PATJ: variants seen among roughly 807,000 people sequenced by gnomAD.
PATJ encodes PATJ crumbs cell polarity complex component.
In PATJ, 190 loss-of-function variants were observed where a neutral mutation model predicts 224.9. The observed-to-expected ratio is 0.84, with a 90% CI of 0.75 to 0.95. PATJ has a LOEUF of 0.95. PATJ is among the 40% of genes least tolerant of loss of function. The pLI, the probability that PATJ is intolerant of heterozygous loss-of-function variation, is 0.00. For missense variants in PATJ, 2,121 were observed against 2,270.3 expected (o/e 0.93, Z 1.34); for synonymous variants, 769 against 820.3 (o/e 0.94, Z 1.07).
chr1:61,874,722 G>A (rs968129901), intron 20 of PATJ, among the ~76,000 whole-genome samples: 1 of 152,202 alleles, frequency 6.6e-6, no homozygotes, highest in African/African-American at 2.4e-5. Context: ...CAAGATGGGA[G>A]GAAAATGCAG....
intron 43 of PATJ, among the ~76,000 whole-genome samples, chr1:62,158,576 C>G (rs1669497024): frequency 6.7e-6 from 1 of 148,640 alleles, no homozygotes; most frequent in South Asian, 2.3e-4. Flanking sequence ...AAAAAATTAG[C>G]CAGGCGTGGT....
intron 39 of PATJ, among the ~76,000 whole-genome samples, chr1:62,123,474 T>C (rs1041011891): frequency 6.3e-5 from 8 of 126,686 alleles, no homozygotes; most frequent in African/African-American, 2.4e-4. Flanking sequence ...AGTTTCTTTT[T>C]TTTTTTTTTT....
At chr1:62,017,563 C>T (rs766765733) in intron 28 of PATJ, among the ~76,000 whole-genome samples, 19 of 151,478 alleles carry the variant, frequency 1.3e-4, no homozygotes, top group Non-Finnish European at 2.4e-4. Context: ...AACCTCTTCT[C>T]TACTAAAAAT....
intron 29 of PATJ, among the ~76,000 whole-genome samples, chr1:62,036,012 CTG>C (rs758662241): frequency 2.0e-5 from 3 of 151,874 alleles, no homozygotes; most frequent in Non-Finnish European, 4.4e-5. Context: ...GAAAGAAAGT[CTG>C]TGCAGCTGGA....
chr1:61,744,310 A>T (rs1007558342), intron 1 of PATJ, among the ~76,000 whole-genome samples: 21 of 134,514 alleles, frequency 1.6e-4, no homozygotes, highest in Non-Finnish European at 2.9e-4. Flanking sequence ...AAAAAAAGGA[A>T]AAAAGATTAT....
chr1:61,789,722 G>T (rs1649377885), intron 8 of PATJ, among the ~76,000 whole-genome samples: 1 of 152,094 alleles, frequency 6.6e-6, no homozygotes, highest in South Asian at 2.1e-4. Flanking sequence ...TGAGACAGGA[G>T]AATCACTTGA....
At chr1:62,065,053 C>G (rs985364476) in intron 31 of PATJ, among the ~76,000 whole-genome samples, 1 of 152,128 alleles carries the variant, frequency 6.6e-6, no homozygotes, top group Admixed American at 6.6e-5. Context: ...GCTCATTGTT[C>G]TTTATCTCTT....
chr1:62,043,911 A>G (rs1469708550), intron 30 of PATJ, among the ~76,000 whole-genome samples: 1 of 152,074 alleles, frequency 6.6e-6, no homozygotes, highest in Non-Finnish European at 1.5e-5. Flanking sequence ...ATTTTTTTGC[A>G]GAGACAGAAT....
chr1:61,914,764 T>TATATGAGAAGTGG (rs1449666832), intron 26 of PATJ, 100 bp downstream of exon 26: 2 of 637,554 alleles, frequency 3.1e-6, no homozygotes, highest in African/African-American at 3.7e-5. Flanking sequence ...TTGATGAGTG[T>TATATGAGAAGTGG]CAGTGTTGTA....
At chr1:62,104,716 C>A (rs1662674406) in intron 33 of PATJ, among the ~76,000 whole-genome samples, 1 of 151,780 alleles carries the variant, frequency 6.6e-6, no homozygotes, top group Admixed American at 6.6e-5. Flanking sequence ...TCTGTCTTGC[C>A]CAGGCTGGAG....
At chr1:61,801,017 G>A (rs1652375899) in intron 11 of PATJ, among the ~76,000 whole-genome samples, 2 of 152,136 alleles carry the variant, frequency 1.3e-5, no homozygotes, top group African/African-American at 4.8e-5. Context: ...CTTTGCTATT[G>A]TGGATAATGC....
At position 62,162,981 on chromosome 1, in the gene PATJ, GAGTC is replaced by G. The variant is rs956614405; in HGVS notation, c.*1931_*1934del. ...AAAAAACCATGAAGGATGAGTACTAGAGTCAGTAATAGAAGTAGTTCAGCATTAT... is the reference window on the plus strand; with the variant it reads ...AAAAAACCATGAAGGATGAGTACTAGAGTAATAGAAGTAGTTCAGCATTAT... On this transcript the variant is annotated 3_prime_UTR_variant, in exon 44 of 44. Coordinates refer to ENST00000642238, the MANE Select transcript of PATJ (RefSeq NM_001350145.3). 2 of 377,778 alleles carry G rather than the reference GAGTC, an allele frequency of 5.3e-6. No homozygotes were observed. The highest frequency in any genetic ancestry group is 6.5e-5 in the Admixed American group (2 of 30,868). The allele number at this position is 377,778 out of a possible 1,614,324, so 23.4% of individuals were successfully genotyped here.
At chr1:61,994,853 C>T (rs1360795672) in intron 28 of PATJ, among the ~76,000 whole-genome samples, 12 of 152,050 alleles carry the variant, frequency 7.9e-5, no homozygotes, top group African/African-American at 4.8e-5. Flanking sequence ...CATGCCCAGC[C>T]CATATACAGG....
intron 22 of PATJ, among the ~76,000 whole-genome samples, chr1:61,887,753 A>G (rs1461115342): frequency 2.6e-5 from 4 of 152,166 alleles, no homozygotes; most frequent in Non-Finnish European, 4.4e-5. Flanking sequence ...CAAAGGAAGC[A>G]CATTTGAAGG....
intron 7 of PATJ, 128 bp from the exon 8 acceptor site, chr1:61,787,626 A>C: frequency 4.5e-6 from 3 of 662,540 alleles, no homozygotes; most frequent in Non-Finnish European, 8.0e-6. Context: ...ACAGTATTCC[A>C]TTTTATTCAG....
At chr1:61,750,147 G>A (rs180741616) in intron 1 of PATJ, among the ~76,000 whole-genome samples, 1 of 152,332 alleles carries the variant, frequency 6.6e-6, no homozygotes, top group East Asian at 1.9e-4. Context: ...TTGGGAAGCT[G>A]CCTCATAGTT....
At chr1:61,935,516 G>A (rs1286643621) in intron 27 of PATJ, among the ~76,000 whole-genome samples, 2 of 152,176 alleles carry the variant, frequency 1.3e-5, no homozygotes, top group Non-Finnish European at 2.9e-5. Flanking sequence ...TGTGTGGCCA[G>A]GCGTAGTGGC....
At chr1:61,819,755 C>T (rs550690535) in intron 14 of PATJ, among the ~76,000 whole-genome samples, 10 of 152,230 alleles carry the variant, frequency 6.6e-5, no homozygotes, top group South Asian at 4.1e-4. Flanking sequence ...TGCACAGTAG[C>T]GCTTCAATGC....
intron 31 of PATJ, among the ~76,000 whole-genome samples, chr1:62,071,490 CTTTTTTTTT>C (rs747065507): frequency 1.7e-5 from 2 of 117,728 alleles, no homozygotes; most frequent in Non-Finnish European, 3.4e-5. Flanking sequence ...TTGTAGATCA[CTTTTTTTTT>C]TTTTTTTTTT....
Sources: allele counts gnomAD v4.1 joint callset (sites outside exome capture counted in the v4.1 genomes callset), GRCh38; gene constraint gnomAD v4.1.1; transcripts MANE v1.5; gene names NCBI Gene and HGNC (gene_info 2026-07-23, HGNC 2026-07-21).